ASPH: variants seen among roughly 807,000 people sequenced by gnomAD.
ASPH encodes the protein aspartyl/asparaginyl beta-hydroxylase.
Under a neutral mutation model 118.4 loss-of-function variants are expected in ASPH, and 100 were observed. That is an observed-to-expected ratio of 0.84 (90% CI 0.72 to 1.00). ASPH has a LOEUF of 1.00. Among genes scored for constraint, ASPH ranks in the 50% least tolerant of loss-of-function variants. The probability of loss-of-function intolerance (pLI) is 0.00; values close to 1 mark genes in which losing one functional copy is unlikely to be tolerated. For synonymous variants in ASPH, 315 were observed against 325.6 expected (o/e 0.97, Z 0.35); for missense variants, 920 against 919.5 (o/e 1.00, Z -0.01).
intron 9 of ASPH, 70 bp downstream of exon 9, chr8:61,643,316 T>C (rs1021518284): frequency 8.1e-6 from 12 of 1,474,360 alleles, no homozygotes; most frequent in Non-Finnish European, 1.1e-5. Context: ...AAAATCACCA[T>C]GTAAACACAG....
intron 18 of ASPH, among the ~76,000 whole-genome samples, chr8:61,558,411 G>A (rs994911259): frequency 6.6e-6 from 1 of 152,232 alleles, no homozygotes; most frequent in African/African-American, 2.4e-5. Context: ...GGTGATAGCA[G>A]AAGAGACTGG....
Position 61,619,746 on chromosome 8 carries a change from C to A in ASPH, c.935-727G>T, listed in dbSNP as rs574700256. On this transcript the variant is annotated intron_variant, in intron 13 of 24. Coordinates refer to ENST00000379454, the MANE Select transcript of ASPH (RefSeq NM_004318.4). ...TTTAACCTCATTTCTGCACCTGTAACTCCACATCAGGACTACTGTGTAAGG... is the reference window on the plus strand; with the variant it reads ...TTTAACCTCATTTCTGCACCTGTAAATCCACATCAGGACTACTGTGTAAGG... Among the ~76,000 whole-genome samples the A allele has an allele frequency of 8.5e-5, 13 of 152,328 alleles. No homozygotes were observed. In the East Asian group the frequency reaches 2.5e-3, roughly 29 times the overall value.
At chr8:61,610,856 CAA>C (rs1847106796) in intron 14 of ASPH, among the ~76,000 whole-genome samples, 1 of 152,176 alleles carries the variant, frequency 6.6e-6, no homozygotes, top group South Asian at 2.1e-4. Context: ...AGCAAAAAGA[CAA>C]AGACAGATCT....
At chr8:61,700,360 G>C (rs538358444) in intron 1 of ASPH, among the ~76,000 whole-genome samples, 23 of 152,290 alleles carry the variant, frequency 1.5e-4, no homozygotes, top group Admixed American at 1.4e-3. Flanking sequence ...CTGCAAAGGG[G>C]AGACAGGAAC....
intron 24 of ASPH, among the ~76,000 whole-genome samples, chr8:61,512,196 G>C (rs542543809): frequency 6.6e-6 from 1 of 152,116 alleles, no homozygotes; most frequent in African/African-American, 2.4e-5. Context: ...CCCATAAGCC[G>C]CCCTGTCCCC....
intron 22 of ASPH, among the ~76,000 whole-genome samples, chr8:61,519,715 T>C (rs1461784638): frequency 2.0e-5 from 3 of 152,024 alleles, no homozygotes; most frequent in Non-Finnish European, 2.9e-5. Context: ...TGATACAGTA[T>C]GAGAAAGACT....
intron 18 of ASPH, among the ~76,000 whole-genome samples, chr8:61,559,732 C>CAT (rs759181539): frequency 3.3e-5 from 5 of 151,996 alleles, no homozygotes; most frequent in East Asian, 3.9e-4. Flanking sequence ...TATATTAGTG[C>CAT]ATATATATAT....
At chr8:61,590,281 G>A (rs1229419771) in intron 14 of ASPH, among the ~76,000 whole-genome samples, 1 of 152,104 alleles carries the variant, frequency 6.6e-6, no homozygotes, top group Non-Finnish European at 1.5e-5. Context: ...AGCCAGTAGA[G>A]TCCAGAGTGC....
rs138406734 is a variant in ASPH at position 61,615,276 on chromosome 8, G to A, written c.976+3702C>T. ...TCTCGGAACTCTTCTCCCAGACGCC[G>A]GTGCAACTCCTGCCCTTGCCTCTTC... On this transcript the variant is annotated intron_variant, in intron 14 of 24. Transcript: ENST00000379454. Among the ~76,000 whole-genome samples the A allele has an allele frequency of 1.7e-3, 256 of 152,092 alleles. 2 individuals are homozygous for A. Among genetic ancestry groups the A allele is most frequent in the African/African-American group, 5.3e-3 (221 of 41,480 alleles).
In ASPH at chr8:61,539,699, G is replaced by GGGGTGTGTGTGTGTGTGTGTGT. The variant is rs1554618405; in HGVS notation, c.1764+8371_1764+8372insACACACACACACACACACACCC. Among the ~76,000 whole-genome samples the GGGGTGTGTGTGTGTGTGTGTGT allele has an allele frequency of 1.3e-3, 164 of 124,284 alleles. 1 individual carries two copies. The highest frequency in any genetic ancestry group is 4.3e-3 in the Middle Eastern group (1 of 232). The allele number at this position is 124,284 out of a possible 152,430, so 81.5% of individuals were successfully genotyped here. ...TGTGATGGTCACCTAACACTTCTGG[G>GGGGTGTGTGTGTGTGTGTGTGT]GTGTGTGTGTGTGTGTGTGTGTGTG... is the stretch of plus-strand genomic sequence containing the variant. On this transcript the variant is annotated intron_variant, in intron 21 of 24. Transcript: ENST00000379454.
At chr8:61,685,478 A>G (rs1180632124) in intron 1 of ASPH, among the ~76,000 whole-genome samples, 1 of 152,166 alleles carries the variant, frequency 6.6e-6, no homozygotes, top group African/African-American at 2.4e-5. Context: ...ATCTCTAATC[A>G]GTGGGCCAAA....
intron 1 of ASPH, among the ~76,000 whole-genome samples, chr8:61,709,011 T>G (rs1002842545): frequency 2.6e-5 from 4 of 151,980 alleles, no homozygotes; most frequent in African/African-American, 4.8e-5. Context: ...ATAGCCCAGA[T>G]CCTTCAAAAG....
At chr8:61,529,494 C>T (rs1816764469) in intron 21 of ASPH, among the ~76,000 whole-genome samples, 2 of 152,154 alleles carry the variant, frequency 1.3e-5, no homozygotes, top group African/African-American at 4.8e-5. Context: ...AGGCGTTTTC[C>T]AACTTTGGAA....
intron 21 of ASPH, among the ~76,000 whole-genome samples, chr8:61,544,128 G>T (rs1213883000): frequency 1.3e-5 from 2 of 152,182 alleles, no homozygotes; most frequent in Non-Finnish European, 2.9e-5. Context: ...CTAGTGTTTT[G>T]AGATTGCCAG....
At position 61,651,365 on chromosome 8, in the gene ASPH, A is replaced by G. The variant is rs1354380307; in HGVS notation, c.416-241T>C. 9 of 352,382 alleles carry G rather than the reference A, an allele frequency of 2.6e-5. No homozygotes were observed. The East Asian group carries it at 3.5e-4, about 14-fold the overall frequency. 21.8% of individuals were successfully genotyped at this position (352,382 alleles called of 1,614,324 possible). On this transcript the variant is annotated intron_variant, in intron 4 of 24. Transcript: ENST00000379454. ...TTAAAATACTTTCAATAAGATTTTTAAAGAAAACTCAGGCTCAGATTTGTA... is the reference window on the plus strand; with the variant it reads ...TTAAAATACTTTCAATAAGATTTTTGAAGAAAACTCAGGCTCAGATTTGTA...
At chr8:61,672,027 C>G (rs182244552) in intron 3 of ASPH, among the ~76,000 whole-genome samples, 4 of 152,336 alleles carry the variant, frequency 2.6e-5, no homozygotes, top group Non-Finnish European at 4.4e-5. Context: ...CACTGTAAGC[C>G]TTCTCATCTT....
chr8:61,674,883 T>C (rs192858504), intron 3 of ASPH, among the ~76,000 whole-genome samples: 2 of 152,252 alleles, frequency 1.3e-5, no homozygotes, highest in African/African-American at 4.8e-5. Flanking sequence ...TCTGACAAAC[T>C]AACACTAAGC....
Position 61,566,531 on chromosome 8 carries a change from T to C in ASPH, c.1300+637A>G, listed in dbSNP as rs145563888. ...AAGGCAGTGGCAGGGTTTGAGAGGA[T>C]TGACTCCAATTTTGAAAAAAGTTCT... is the stretch of plus-strand genomic sequence containing the variant. On this transcript the variant is annotated intron_variant, in intron 17 of 24. Coordinates refer to ENST00000379454, the MANE Select transcript of ASPH (RefSeq NM_004318.4). Among the ~76,000 whole-genome samples the C allele has an allele frequency of 7.2e-5, 11 of 152,356 alleles. No homozygotes were observed. In the East Asian group the frequency reaches 1.9e-3, roughly 27 times the overall value.
intron 19 of ASPH, among the ~76,000 whole-genome samples, chr8:61,555,163 C>T (rs1312282852): frequency 2.0e-5 from 3 of 152,090 alleles, no homozygotes; most frequent in African/African-American, 7.2e-5. Flanking sequence ...TGTTACCTAA[C>T]TTTGTGTGGG....
Sources: gnomAD v4.1 joint callset for allele counts (sites outside exome capture counted in the v4.1 genomes callset) on GRCh38, gnomAD v4.1.1 for gene constraint, MANE v1.5 for transcripts, NCBI Gene and HGNC (gene_info 2026-07-23, HGNC 2026-07-21) for gene names.